NCOR2: variants seen among roughly 807,000 people sequenced by gnomAD.
NCOR2 encodes nuclear receptor corepressor 2.
NCOR2 carries 81 observed loss-of-function variants against 262.9 expected under a neutral mutation model. The observed-to-expected ratio is 0.31, with a 90% CI of 0.26 to 0.37. The LOEUF (loss-of-function observed/expected upper bound fraction) is 0.37. Among genes scored for constraint, NCOR2 ranks in the 10% least tolerant of loss-of-function variants. The pLI, the probability that NCOR2 is intolerant of heterozygous loss-of-function variation, is 1.00. For missense variants in NCOR2, 3,385 were observed against 3,621.4 expected, an observed-to-expected ratio of 0.93 and a Z score of 1.68; for synonymous variants, 1,659 against 1,559.3, an observed-to-expected ratio of 1.06 and a Z score of -1.51.
Position 124,349,937 on chromosome 12 carries a change from C to A in NCOR2, c.3844+650G>T, listed in dbSNP as rs1016419420. On this transcript the variant is annotated intron_variant, in intron 28 of 46. Transcript: ENST00000405201. Reference sequence around the variant, plus strand: ...GAGTGCATTATGTTCCTAAGCCACACGGTGCCACCTCCACCTCCCAGGCCT... The same window carrying A: ...GAGTGCATTATGTTCCTAAGCCACAAGGTGCCACCTCCACCTCCCAGGCCT... Among the ~76,000 whole-genome samples the A allele has an allele frequency of 2.0e-5, 3 of 152,160 alleles. No individual in the cohort carries two copies. The East Asian group carries it at 5.8e-4, about 29-fold the overall frequency.
chr12:124,335,726 G>C (rs1367322948), intron 38 of NCOR2, 94 bp from the exon 41 acceptor site: 10 of 1,388,614 alleles, frequency 7.2e-6, no homozygotes, highest in Non-Finnish European at 9.6e-6. Context: ...GGGACCCCGG[G>C]GGGGTCAAGG....
At chr12:124,366,070 C>A (rs1037804373) in intron 20 of NCOR2, among the ~76,000 whole-genome samples, 5 of 152,300 alleles carry the variant, frequency 3.3e-5, no homozygotes, top group African/African-American at 1.2e-4. Context: ...GCCCTAAACC[C>A]AGCACTGCCA....
intron 13 of NCOR2, among the ~76,000 whole-genome samples, chr12:124,419,697 C>T (rs1175018137): frequency 2.0e-5 from 3 of 152,214 alleles, no homozygotes; most frequent in Non-Finnish European, 4.4e-5. Flanking sequence ...CTGAGGAGGC[C>T]CGTGGCTGTT....
At chr12:124,386,171 C>T (rs1211627467) in intron 16 of NCOR2, among the ~76,000 whole-genome samples, 1 of 152,122 alleles carries the variant, frequency 6.6e-6, no homozygotes, top group Non-Finnish European at 1.5e-5. Flanking sequence ...CCAAAAGCGA[C>T]AGGTGAAGTC....
exon 34 of NCOR2, chr12:124,342,061 G>A: frequency 3.1e-6 from 5 of 1,609,248 alleles, no homozygotes; most frequent in East Asian, 2.2e-5. Context: ...GTCGGGGCAG[G>A]TAGTAGGCAG....
intron 4 of NCOR2, among the ~76,000 whole-genome samples, chr12:124,471,655 A>T (rs1220524590): frequency 1.3e-5 from 2 of 152,136 alleles, no homozygotes; most frequent in Non-Finnish European, 2.9e-5. Context: ...TGCAGCCTAA[A>T]CCTCCTGGGC....
intron 2 of NCOR2, among the ~76,000 whole-genome samples, chr12:124,485,431 C>T (rs76551336): frequency 6.6e-6 from 1 of 152,222 alleles, no homozygotes; most frequent in East Asian, 1.9e-4. Context: ...ACGCCTGTAG[C>T]CCCCAGAAGC....
intron 5 of NCOR2, among the ~76,000 whole-genome samples, chr12:124,463,173 A>G (rs1035559794): frequency 6.6e-6 from 1 of 152,232 alleles, no homozygotes; most frequent in East Asian, 1.9e-4. Context: ...GCCTCTGTGT[A>G]TGTTTTATCC....
At chr12:124,372,455 C>A in exon 20 of NCOR2, 1 of 1,544,006 alleles carries the variant, frequency 6.5e-7, no homozygotes, top group South Asian at 1.2e-5. Flanking sequence ...TCAGTGGGGG[C>A]CGGGATGTCC....
upstream of NCOR2, chr12:124,495,264 C>T (rs777203097): frequency 6.8e-6 from 11 of 1,607,718 alleles, no homozygotes; most frequent in South Asian, 4.4e-5. This position sits in a 1 kb window ranked among gnomAD's most constrained non-coding sequence, Gnocchi z 4.4. Context: ...TGGTGGGGGT[C>T]GGCGGGGAGC....
At chr12:124,544,652 T>A (rs942571734) in intron 1 of NCOR2, among the ~76,000 whole-genome samples, 8 of 152,034 alleles carry the variant, frequency 5.3e-5, no homozygotes, top group African/African-American at 1.9e-4. Flanking sequence ...GGGCCCAGGG[T>A]AGGTCAGGGA....
At chr12:124,397,298 G>C (rs757538056) in intron 16 of NCOR2, among the ~76,000 whole-genome samples, 3 of 152,228 alleles carry the variant, frequency 2.0e-5, no homozygotes, top group Non-Finnish European at 4.4e-5. Context: ...CTCACACAGG[G>C]TTATCTGATT....
chr12:124,469,543 T>G (rs2046719931), intron 4 of NCOR2, among the ~76,000 whole-genome samples: 1 of 152,140 alleles, frequency 6.6e-6, no homozygotes, highest in South Asian at 2.1e-4. Context: ...GAGAAAATAC[T>G]ACCTGGGACA....
chr12:124,540,106 T>TCACACA (rs61168320), upstream of NCOR2, among the ~76,000 whole-genome samples: 1 of 150,516 alleles, frequency 6.6e-6, no homozygotes, highest in Non-Finnish European at 1.5e-5. Flanking sequence ...GGGGCCAAGG[T>TCACACA]CACACACACA....
chr12:124,363,898 T>C, intron 20 of NCOR2, 99 bp from the exon 23 acceptor site: 1 of 1,082,618 alleles, frequency 9.2e-7, no homozygotes, highest in Non-Finnish European at 1.2e-6. Context: ...TCTCAAGCCC[T>C]GGGGACGAGG....
At chr12:124,337,292 G>T in intron 37 of NCOR2, 112 bp from the exon 40 acceptor site, 1 of 1,257,464 alleles carries the variant, frequency 8.0e-7, no homozygotes, top group Non-Finnish European at 1.1e-6. Flanking sequence ...GCTGCTCCCA[G>T]AGTGAAACTG....
At chr12:124,480,784 C>G (rs961644865) in intron 3 of NCOR2, among the ~76,000 whole-genome samples, 1 of 149,798 alleles carries the variant, frequency 6.7e-6, no homozygotes, top group African/African-American at 2.5e-5. Context: ...GCTGACTGGG[C>G]TCACAGGACC....
In NCOR2 at chr12:124,446,291, C is replaced by T. The variant is rs938397001; in HGVS notation, c.815+3524G>A. Reference sequence around the variant, plus strand: ...TCCCATGGTATTCTCACCCCTACCCCCAGGTCCTTCCTCCCTGCAGCCACC... The same window carrying T: ...TCCCATGGTATTCTCACCCCTACCCTCAGGTCCTTCCTCCCTGCAGCCACC... On this transcript the variant is annotated intron_variant, in intron 7 of 46. Coordinates refer to ENST00000405201, the Ensembl canonical transcript of NCOR2. Among the ~76,000 whole-genome samples the T allele has an allele frequency of 2.6e-5, 4 of 152,220 alleles. No homozygotes were observed. The South Asian group carries it at 8.3e-4, about 31-fold the overall frequency.
intron 45 of NCOR2, 66 bp from the exon 48 acceptor site, chr12:124,326,436 G>C: frequency 1.5e-6 from 2 of 1,378,046 alleles, no homozygotes; most frequent in Middle Eastern, 4.0e-4. Context: ...GCTACGGTGG[G>C]GCCACAGGGG....
Sources: allele counts gnomAD v4.1 joint callset (sites outside exome capture counted in the v4.1 genomes callset), GRCh38; gene constraint gnomAD v4.1.1; non-coding constraint Gnocchi (gnomAD v3.1); transcripts MANE v1.5; gene names NCBI Gene and HGNC (gene_info 2026-07-23, HGNC 2026-07-21).